CHMP2B: variants seen among roughly 807,000 people sequenced by gnomAD.
The protein encoded by CHMP2B is VPS2 homolog B.
Under a neutral mutation model 29.8 loss-of-function variants are expected in CHMP2B, and 22 were observed. That is an observed-to-expected ratio of 0.74 (90% CI 0.53 to 1.05). The LOEUF is 1.05. CHMP2B is among the 50% of genes least tolerant of loss of function. The pLI is 0.00. For missense variants in CHMP2B, 261 were observed against 252.2 expected (o/e 1.03, Z -0.24); for synonymous variants, 78 against 75.8 (o/e 1.03, Z -0.15).
At chr3:87,234,268 G>A (rs902825623) in intron 1 of CHMP2B, among the ~76,000 whole-genome samples, 1 of 152,178 alleles carries the variant, frequency 6.6e-6, no homozygotes, top group African/African-American at 2.4e-5. Context: ...CCACATGGGA[G>A]ACCTTTTTTG....
intron 1 of CHMP2B, among the ~76,000 whole-genome samples, chr3:87,236,057 C>A (rs1706002515): frequency 6.6e-6 from 1 of 152,170 alleles, no homozygotes; most frequent in Non-Finnish European, 1.5e-5. Context: ...CATGCCCTCT[C>A]TGTGTGTGCC....
At chr3:87,228,598 G>A (rs1215312187) in intron 1 of CHMP2B, among the ~76,000 whole-genome samples, 1 of 152,140 alleles carries the variant, frequency 6.6e-6, no homozygotes, top group African/African-American at 2.4e-5. Context: ...AAATTATTTT[G>A]GGGAGGATAA....
In CHMP2B at chr3:87,235,926, C is replaced by T. The variant is rs112422064; in HGVS notation, c.35-4773C>T. On this transcript the variant is annotated intron_variant, in intron 1 of 5. Transcript: ENST00000263780. Reference sequence around the variant, plus strand: ...CAACTTTGATAATTCACTAGGACAACTCTCAGAACTCATCAGAGTGCTTTA... The same window carrying T: ...CAACTTTGATAATTCACTAGGACAATTCTCAGAACTCATCAGAGTGCTTTA... Among the ~76,000 whole-genome samples, 857 of 152,302 alleles carry T rather than the reference C, an allele frequency of 5.6e-3. 5 individuals carry two copies. Among genetic ancestry groups the T allele is most frequent in the African/African-American group, 0.019 (797 of 41,554 alleles).
chr3:87,240,263 A>T (rs1706090849), intron 1 of CHMP2B: 1 of 152,322 alleles, frequency 6.6e-6, no homozygotes. Flanking sequence ...TATTAAAGTA[A>T]AAAAAATATT....
chr3:87,227,509 C>G lies in CHMP2B; in HGVS notation c.-14C>G. ...ACCGGGCCGAGCCGGGCCGCCCGGG[C>G]GCAGTCTTTAACCATGGCGTCCCTC... On this transcript the variant is annotated 5_prime_UTR_variant, in exon 1 of 6. Coordinates refer to ENST00000263780, the MANE Select transcript of CHMP2B (RefSeq NM_014043.4). 1 of 1,614,142 alleles carries G rather than the reference C, an allele frequency of 6.2e-7. No individual in the cohort carries two copies. The highest frequency in any genetic ancestry group is 2.2e-5 in the East Asian group (1 of 44,852).
intron 4 of CHMP2B, among the ~76,000 whole-genome samples, chr3:87,251,663 T>C (rs1220285077): frequency 6.6e-6 from 1 of 151,968 alleles, no homozygotes; most frequent in Non-Finnish European, 1.5e-5. Flanking sequence ...TCAGCATATC[T>C]TTTTCAACTT....
At chr3:87,242,606 A>T (rs1706138113) in intron 2 of CHMP2B, among the ~76,000 whole-genome samples, 1 of 152,156 alleles carries the variant, frequency 6.6e-6, no homozygotes, top group Admixed American at 6.5e-5. Flanking sequence ...TAGTTCTTAC[A>T]TTTAAAACTG....
At position 87,255,407 on chromosome 3, in the gene CHMP2B, T is replaced by G. The variant is rs1218736741; in HGVS notation, c.*1585T>G. ...TACATAATAATGCCATCTAACTTAT[T>G]TACGTTCTTGTTTACATGTGGGAGC... On this transcript the variant is annotated 3_prime_UTR_variant, in exon 6 of 6. Coordinates refer to ENST00000263780, the MANE Select transcript of CHMP2B (RefSeq NM_014043.4). 1 of 152,474 alleles carries G rather than the reference T, an allele frequency of 6.6e-6. No individual in the cohort carries two copies. Among genetic ancestry groups the G allele is most frequent in the African/African-American group, 2.4e-5 (1 of 41,428 alleles). 9.4% of individuals were successfully genotyped at this position (152,474 alleles called of 1,614,324 possible).
At position 87,253,805 on chromosome 3, in the gene CHMP2B, G is replaced by C. The variant is rs1333146523; in HGVS notation, c.625G>C (p.Ala209Pro). 6.2e-7 allele frequency: 1 copy of C among 1,611,452 alleles called. No homozygotes were observed. Among genetic ancestry groups the C allele is most frequent in the Admixed American group, 1.7e-5 (1 of 59,844 alleles). ...SDEEIERQLK[A>P]LGVD ...TGAAGAGATTGAACGGCAACTCAAG[G>C]CTTTAGGAGTAGATTAGTCAAAAGA... Residue 209 changes from alanine to proline, a missense_variant, in exon 6 of 6, where the codon GCT becomes CCT. By Grantham distance (27) the Ala-to-Pro change is conservative. Transcript: ENST00000263780.
At chr3:87,251,768 T>C (rs1706317168) in intron 4 of CHMP2B, among the ~76,000 whole-genome samples, 1 of 151,964 alleles carries the variant, frequency 6.6e-6, no homozygotes, top group African/African-American at 2.4e-5. Context: ...ATGAGCATTA[T>C]TACACTTTTT....
Position 87,253,788 on chromosome 3 carries a change from T to C in CHMP2B, c.608T>C (p.Ile203Thr), listed in dbSNP as rs1422179414. 6 of 1,612,388 alleles carry C rather than the reference T, an allele frequency of 3.7e-6. No homozygotes were observed. The highest frequency in any genetic ancestry group is 2.2e-5 in the South Asian group (2 of 91,058). The change falls in exon 6 of 6, where the codon ATT (isoleucine) becomes ACT (threonine). Residue 203 changes from isoleucine (I) to threonine (T), a missense_variant. Ile to Thr is a moderately conservative substitution (Grantham distance 89, BLOSUM62 -1). Coordinates refer to ENST00000263780, the MANE Select transcript of CHMP2B (RefSeq NM_014043.4). ...AAGGCTACAATCTCAGATGAAGAGA[T>C]TGAACGGCAACTCAAGGCTTTAGGA... is the stretch of plus-strand genomic sequence containing the variant. ...TSKATISDEE[I>T]ERQLKALGVD
intron 2 of CHMP2B, among the ~76,000 whole-genome samples, chr3:87,244,969 G>T (rs2106907317): frequency 6.6e-6 from 1 of 152,138 alleles, no homozygotes; most frequent in East Asian, 1.9e-4. Flanking sequence ...TTTCAGTTCT[G>T]TCCATTGTGT....
At chr3:87,243,289 T>A (rs539038695) in intron 2 of CHMP2B, among the ~76,000 whole-genome samples, 14 of 152,058 alleles carry the variant, frequency 9.2e-5, no homozygotes, top group Non-Finnish European at 1.9e-4. Context: ...TAATGATGTA[T>A]TTTTTTTAAT....
intron 1 of CHMP2B, among the ~76,000 whole-genome samples, chr3:87,229,772 T>C (rs1575961000): frequency 6.6e-6 from 1 of 152,148 alleles, no homozygotes; most frequent in East Asian, 1.9e-4. Flanking sequence ...CCTATAGATC[T>C]GGGGAATAAT....
At chr3:87,244,963 A>G (rs973556422) in intron 2 of CHMP2B, among the ~76,000 whole-genome samples, 5 of 152,056 alleles carry the variant, frequency 3.3e-5, no homozygotes, top group Non-Finnish European at 5.9e-5. Context: ...TTCTCCTTTC[A>G]GTTCTGTCCA....
In CHMP2B at chr3:87,245,835, C is replaced by T. The variant is rs374277596; in HGVS notation, c.248C>T (p.Thr83Ile). 2.9e-5 allele frequency: 46 copies of T among 1,613,546 alleles called. No homozygotes were observed. Among genetic ancestry groups the T allele is most frequent in the Admixed American group, 5.0e-5 (3 of 59,964 alleles). ...ACTTTTGCTGTAAGTTCAAAAGTTA[C>T]TTCTATGTCTACACAAACAAAAGTG... ...TRTFAVSSKV[T>I]SMSTQTKVMN... is the part of the protein sequence containing the mutation. The change falls in exon 3 of 6, where the codon ACT becomes ATT. Residue 83 changes from threonine (T) to isoleucine (I), a missense_variant. Transcript: ENST00000263780.
At position 87,253,817 on chromosome 3, in the gene CHMP2B, G is replaced by A; in HGVS notation, c.637G>A (p.Asp213Asn). Residue 213 changes from aspartate (D) to asparagine (N), a missense_variant, in exon 6 of 6, where the codon GAT becomes AAT. By Grantham distance (23) the Asp-to-Asn change is conservative. Transcript: ENST00000263780. The part of the protein sequence containing the change: ...IERQLKALGV[D>N] ...ACGGCAACTCAAGGCTTTAGGAGTA[G>A]ATTAGTCAAAAGAAGTCATACTATT... The A allele has an allele frequency of 6.2e-7, 1 of 1,607,350 alleles. No individual in the cohort carries two copies. Among genetic ancestry groups the A allele is most frequent in the South Asian group, 1.1e-5 (1 of 90,918 alleles).
At chr3:87,233,185 T>G (rs1040151868) in intron 1 of CHMP2B, among the ~76,000 whole-genome samples, 20 of 152,146 alleles carry the variant, frequency 1.3e-4, no homozygotes, top group African/African-American at 3.9e-4. Flanking sequence ...TTTTCTATAG[T>G]TGCCTTTTGT....
In CHMP2B at chr3:87,253,963, A is replaced by T. The variant is rs1476631503; in HGVS notation, c.*141A>T. 5 of 612,482 alleles carry T rather than the reference A, an allele frequency of 8.2e-6. No individual in the cohort carries two copies. The allele number at this position is 612,482 out of a possible 1,614,324, so 37.9% of individuals were successfully genotyped here. A position where few individuals can be genotyped will look rare whatever the true frequency, so the allele number is the denominator to read the frequency against. ...TGAGTGAACAGTTGTTTCCTAACCCATGGCTATTTAGAATCTTTTGCCAAA... is the reference window on the plus strand; with the variant it reads ...TGAGTGAACAGTTGTTTCCTAACCCTTGGCTATTTAGAATCTTTTGCCAAA... On this transcript the variant is annotated 3_prime_UTR_variant, in exon 6 of 6. Coordinates refer to ENST00000263780, the MANE Select transcript of CHMP2B (RefSeq NM_014043.4).
Sources: allele counts gnomAD v4.1 joint callset (sites outside exome capture counted in the v4.1 genomes callset), GRCh38; gene constraint gnomAD v4.1.1; transcripts MANE v1.5; gene names NCBI Gene and HGNC (gene_info 2026-07-23, HGNC 2026-07-21).